Variants in ACACA observed in about 807,000 individuals in gnomAD.
ACACA encodes the protein acetyl-CoA carboxylase 1.
Under a neutral mutation model 296.1 loss-of-function variants are expected in ACACA, and 103 were observed. The ratio of observed to expected loss-of-function variants is 0.35; its 90% CI spans 0.30 to 0.41. The LOEUF (loss-of-function observed/expected upper bound fraction) is 0.41, where lower values mean the gene tolerates loss of function less well. Ranked by LOEUF, ACACA falls within the 10% of genes least tolerant of loss-of-function variation. ACACA has a pLI of 1.00. For missense variants in ACACA, 1,554 were observed against 2,989.7 expected (o/e 0.52, Z 11.20); for synonymous variants, 953 against 1,038.6 (o/e 0.92, Z 1.58).
chr17:37,274,859 T>C (rs1451961361), intron 8 of ACACA, among the ~76,000 whole-genome samples: 1 of 152,132 alleles, frequency 6.6e-6, no homozygotes, highest in African/African-American at 2.4e-5. Context: ...CTGGAGAGGA[T>C]ATTGCAATCT....
At chr17:37,219,136 T>C (rs754613823) in intron 29 of ACACA, among the ~76,000 whole-genome samples, 1 of 152,112 alleles carries the variant, frequency 6.6e-6, no homozygotes, top group Non-Finnish European at 1.5e-5. Flanking sequence ...GGAGATTGAG[T>C]TTAATCACGT....
intron 45 of ACACA, among the ~76,000 whole-genome samples, chr17:37,138,064 A>G (rs1281775723): frequency 6.6e-6 from 1 of 152,250 alleles, no homozygotes; most frequent in East Asian, 1.9e-4. Context: ...CATTATTAAA[A>G]TTAGGAACCG....
At position 37,097,993 on chromosome 17, in the gene ACACA, A is replaced by G; in HGVS notation, c.6566-9T>C. On this transcript the variant is annotated splice_polypyrimidine_tract_variant and intron_variant, in intron 52 of 55. Transcript: ENST00000616317. The surrounding 1 kb of genome is among the most constrained non-coding windows in gnomAD (Gnocchi z 4.8). ...GCTTAGCTCTGGGGTCCCTGCAATTAGATAAACATGCCCGTCACACTCTGT... is the reference window on the plus strand; with the variant it reads ...GCTTAGCTCTGGGGTCCCTGCAATTGGATAAACATGCCCGTCACACTCTGT... The G allele has an allele frequency of 6.2e-7, 1 of 1,614,182 alleles. No individual in the cohort carries two copies.
intron 11 of ACACA, 90 bp from the exon 12 acceptor site, chr17:37,259,620 T>C (rs2081356165): frequency 1.4e-6 from 2 of 1,389,526 alleles, no homozygotes; most frequent in Admixed American, 1.7e-5. Context: ...CTGTTCAGTG[T>C]GTATAAGAGC....
chr17:37,273,434 C>T (rs1490286302), intron 9 of ACACA, among the ~76,000 whole-genome samples: 1 of 152,214 alleles, frequency 6.6e-6, no homozygotes, highest in Non-Finnish European at 1.5e-5. Flanking sequence ...AAGAGTAACA[C>T]TTTCAGTCTT....
At chr17:37,368,247 G>T (rs185710544) in intron 1 of ACACA, among the ~76,000 whole-genome samples, 2 of 152,306 alleles carry the variant, frequency 1.3e-5, no homozygotes, top group African/African-American at 4.8e-5. Context: ...ACTCCAGCCT[G>T]GGTGACAGAG....
chr17:37,381,893 C>A (rs897214054), intron 1 of ACACA, among the ~76,000 whole-genome samples: 2 of 152,138 alleles, frequency 1.3e-5, no homozygotes, highest in East Asian at 3.9e-4. Context: ...TCCCAAAGTG[C>A]TGGGATTACA....
chr17:37,401,704 G>C (rs556093967), intron 1 of ACACA, among the ~76,000 whole-genome samples: 11 of 151,964 alleles, frequency 7.2e-5, no homozygotes, highest in Non-Finnish European at 1.5e-4. Context: ...GACCACAGGC[G>C]TGTGCTATCA....
chr17:37,178,682 T>A (rs1315693379), intron 41 of ACACA, among the ~76,000 whole-genome samples: 1 of 152,026 alleles, frequency 6.6e-6, no homozygotes, highest in Non-Finnish European at 1.5e-5. Context: ...ACACCTGTAG[T>A]ACCAGCTACT....
At chr17:37,150,437 G>A (rs544360724) in intron 44 of ACACA, among the ~76,000 whole-genome samples, 1 of 152,096 alleles carries the variant, frequency 6.6e-6, no homozygotes, top group African/African-American at 2.4e-5. Flanking sequence ...AGCTACTCGG[G>A]AGGCCAAGGC....
intron 47 of ACACA, 134 bp from the exon 48 acceptor site, chr17:37,125,928 T>A (rs2074762205): frequency 5.3e-6 from 4 of 750,770 alleles, no homozygotes; most frequent in Non-Finnish European, 9.5e-6. Context: ...TTATAATAGA[T>A]GGAAGCATTA....
At chr17:37,099,081 A>G (rs1445611690) in intron 52 of ACACA, among the ~76,000 whole-genome samples, 1 of 152,234 alleles carries the variant, frequency 6.6e-6, no homozygotes, top group African/African-American at 2.4e-5. Flanking sequence ...AGGAAGGTCT[A>G]TTTCAAGCAT....
At position 37,129,476 on chromosome 17, in the gene ACACA, T is replaced by G. The variant is rs1319297011; in HGVS notation, c.5833A>C (p.Ser1945Arg). The G allele has an allele frequency of 6.2e-7, 1 of 1,613,988 alleles. No homozygotes were observed. The highest frequency in any genetic ancestry group is 8.5e-7 in the Non-Finnish European group (1 of 1,179,998). The change falls in exon 47 of 56, where the codon AGT (serine) becomes CGT (arginine). Residue 1945 changes from serine (S) to arginine (R), a missense_variant. Physicochemically the swap from Ser to Arg is moderately radical, Grantham distance 110 (BLOSUM62 -1). Coordinates refer to ENST00000616317, the MANE Select transcript of ACACA (RefSeq NM_198834.3). ...WLSYMPKSVH[S>R]SVPLLNSKDP... ...TTTGAGTTCAGAAGAGGAACTGAAC[T>G]GTGCACGCTCTAAAAGGAGATTGGA...
intron 1 of ACACA, among the ~76,000 whole-genome samples, chr17:37,382,227 T>C (rs544407460): frequency 5.3e-5 from 8 of 152,208 alleles, no homozygotes; most frequent in African/African-American, 1.9e-4. Flanking sequence ...GTTGGTTCCA[T>C]TGTGCATATC....
chr17:37,162,115 T>C lies in ACACA; in HGVS notation c.5080-65A>G, dbSNP rs189187939. On this transcript the variant is annotated intron_variant, in intron 41 of 55. Transcript: ENST00000616317. ...ACAGGCAGAATTTTTTTCAGGTTCA[T>C]TGAAGGTATCAGAGTATACCTAGGC... 10 of 1,569,234 alleles carry C rather than the reference T, an allele frequency of 6.4e-6. No individual in the cohort carries two copies. In the East Asian group the frequency reaches 1.6e-4, roughly 25 times the overall value.
chr17:37,325,323 G>A (rs917200506), intron 3 of ACACA, among the ~76,000 whole-genome samples: 11 of 149,106 alleles, frequency 7.4e-5, no homozygotes, highest in Middle Eastern at 3.4e-3. Flanking sequence ...CCAAGATCGC[G>A]CCATTGCACT....
Position 37,185,308 on chromosome 17 carries a change from T to C in ACACA, c.4776+2969A>G, listed in dbSNP as rs138204942. ...AGTGTGGTGTCACAATCATAGCTCA[T>C]TGCAGCCTCAAACTCCGGGGCCCAA... On this transcript the variant is annotated intron_variant, in intron 39 of 55. Coordinates refer to ENST00000616317, the MANE Select transcript of ACACA (RefSeq NM_198834.3). 1.8e-4 allele frequency among the ~76,000 whole-genome samples: 28 copies of C among 152,018 alleles called. 2 individuals are homozygous for C. The East Asian group carries it at 5.0e-3, about 27-fold the overall frequency.
chr17:37,377,816 A>G, intron 1 of ACACA: 1 of 1,308,618 alleles, frequency 7.6e-7, no homozygotes, highest in East Asian at 2.3e-5. Context: ...AGTAAGTACC[A>G]GTAAATTCTG....
chr17:37,182,805 C>T (rs539351074), intron 39 of ACACA, among the ~76,000 whole-genome samples: 5 of 152,174 alleles, frequency 3.3e-5, no homozygotes, highest in African/African-American at 1.2e-4. Flanking sequence ...CTTCCTAAAT[C>T]GTGGGTACAG....
Sources: gnomAD v4.1 joint callset for allele counts (sites outside exome capture counted in the v4.1 genomes callset) on GRCh38, gnomAD v4.1.1 for gene constraint, Gnocchi (gnomAD v3.1) non-coding constraint, MANE v1.5 for transcripts, NCBI Gene and HGNC (gene_info 2026-07-23, HGNC 2026-07-21) for gene names.